ANAPC10: variants seen among roughly 807,000 people sequenced by gnomAD.
ANAPC10 encodes anaphase-promoting complex subunit 10.
Under a neutral mutation model 22.0 loss-of-function variants are expected in ANAPC10, and 12 were observed. The ratio of observed to expected loss-of-function variants is 0.55; its 90% CI spans 0.35 to 0.88. The LOEUF is 0.88. Among genes scored for constraint, ANAPC10 ranks in the 40% least tolerant of loss-of-function variants. The pLI is 0.01. For missense variants in ANAPC10, 188 were observed against 220.9 expected (o/e 0.85, Z 0.94); for synonymous variants, 65 against 69.5 (o/e 0.94, Z 0.32).
At chr4:145,043,584 T>A (rs1287062306) in intron 4 of ANAPC10, among the ~76,000 whole-genome samples, 1 of 152,136 alleles carries the variant, frequency 6.6e-6, no homozygotes, top group African/African-American at 2.4e-5. Flanking sequence ...TATTACACAT[T>A]GTCTTTCTTA....
Position 145,064,594 on chromosome 4 carries a change from AAATT to A in ANAPC10, c.301_304del (p.Asn101PhefsTer23). ...TACCCGAATTTCTTGAAGGTTGTGAAAATTATTTCCTACTCTGACTGAGATCTTG... is the reference window on the plus strand; with the variant it reads ...TACCCGAATTTCTTGAAGGTTGTGAAATTTCCTACTCTGACTGAGATCTTG... On this transcript the variant is annotated frameshift_variant, in exon 4 of 5. Transcript: ENST00000507656. LOFTEE classifies it high-confidence loss of function. 1 of 1,606,742 alleles carries A rather than the reference AAATT, an allele frequency of 6.2e-7. No homozygotes were observed. The highest frequency in any genetic ancestry group is 8.5e-7 in the Non-Finnish European group (1 of 1,176,662).
At chr4:145,009,974 A>AAG (rs754081873) in intron 4 of ANAPC10, among the ~76,000 whole-genome samples, 28 of 152,330 alleles carry the variant, frequency 1.8e-4, no homozygotes, top group East Asian at 7.7e-4. Flanking sequence ...ACAAATTTAC[A>AAG]AGAAAAAATC....
At chr4:145,063,123 G>A (rs1743155226) in intron 4 of ANAPC10, among the ~76,000 whole-genome samples, 1 of 152,050 alleles carries the variant, frequency 6.6e-6, no homozygotes, top group Non-Finnish European at 1.5e-5. Flanking sequence ...TAAACAATGT[G>A]TTATATTCTT....
At chr4:145,046,950 C>T (rs1250910708) in intron 4 of ANAPC10, among the ~76,000 whole-genome samples, 1 of 152,110 alleles carries the variant, frequency 6.6e-6, no homozygotes, top group African/African-American at 2.4e-5. Flanking sequence ...ATAAAGCAAG[C>T]AGCCATTACA....
At chr4:145,069,765 G>A (rs1277002147) in intron 3 of ANAPC10, among the ~76,000 whole-genome samples, 3 of 152,072 alleles carry the variant, frequency 2.0e-5, no homozygotes, top group Admixed American at 2.0e-4. Flanking sequence ...TCTCTTATGA[G>A]TATGTAGTAG....
At chr4:145,009,362 C>T (rs965931475) in intron 4 of ANAPC10, among the ~76,000 whole-genome samples, 37 of 152,216 alleles carry the variant, frequency 2.4e-4, no homozygotes, top group Non-Finnish European at 4.6e-4. Flanking sequence ...CAAAAAAGAG[C>T]CCACATTGCC....
chr4:145,029,445 G>A (rs887201650), intron 4 of ANAPC10, among the ~76,000 whole-genome samples: 1 of 152,122 alleles, frequency 6.6e-6, no homozygotes, highest in East Asian at 1.9e-4. Context: ...TCCATGAGGA[G>A]GTGCACTACA....
intron 4 of ANAPC10, among the ~76,000 whole-genome samples, chr4:145,008,425 C>A (rs1733763622): frequency 6.6e-6 from 1 of 152,098 alleles, no homozygotes; most frequent in African/African-American, 2.4e-5. Context: ...AACATCGGTG[C>A]AAAAATCATC....
intron 1 of ANAPC10, chr4:145,097,568 T>C (rs927576793): frequency 3.1e-6 from 4 of 1,283,078 alleles, no homozygotes; most frequent in African/African-American, 1.5e-5. Flanking sequence ...ACTTACTAAA[T>C]AACGGCAGAC....
intron 4 of ANAPC10, among the ~76,000 whole-genome samples, chr4:145,038,821 CAAAAAAAAAAAAAAA>C (rs140379083): frequency 1.6e-4 from 3 of 19,210 alleles, no homozygotes; most frequent in South Asian, 2.0e-3. Flanking sequence ...GACTCTGTCT[CAAAAAAAAAAAAAAA>C]AAAAAAAAAA....
intron 4 of ANAPC10, among the ~76,000 whole-genome samples, chr4:145,013,957 C>T: frequency 6.6e-6 from 1 of 152,060 alleles, no homozygotes; most frequent in East Asian, 1.9e-4. Flanking sequence ...CCAGGCAGGC[C>T]ATTCTTGCCT....
At chr4:145,060,577 G>GAA (rs147050670) in intron 4 of ANAPC10, among the ~76,000 whole-genome samples, 3 of 149,076 alleles carry the variant, frequency 2.0e-5, no homozygotes, top group African/African-American at 7.4e-5. Flanking sequence ...AATTTCTAGT[G>GAA]AAAAAAAAAG....
chr4:145,083,386 C>T (rs967979490), intron 2 of ANAPC10, among the ~76,000 whole-genome samples: 1 of 152,122 alleles, frequency 6.6e-6, no homozygotes, highest in Non-Finnish European at 1.5e-5. Flanking sequence ...ACAAACAATA[C>T]TGCAATAAAC....
chr4:145,096,177 A>G (rs1748485655), intron 1 of ANAPC10, 66 bp from the exon 2 acceptor site: 1 of 1,543,082 alleles, frequency 6.5e-7, no homozygotes, highest in African/African-American at 1.4e-5. Flanking sequence ...AAAGTTTTTT[A>G]CCAAGAAAAA....
intron 2 of ANAPC10, among the ~76,000 whole-genome samples, chr4:145,094,771 T>C (rs1201650894): frequency 1.3e-5 from 2 of 150,714 alleles, no homozygotes; most frequent in South Asian, 4.2e-4. Context: ...AAACCTTAGA[T>C]GCTTCCAGAA....
rs750713970 is a variant in ANAPC10, at chr4:145,096,124, C to G, written c.-12-13G>C. The G allele has an allele frequency of 1.4e-5, 23 of 1,607,884 alleles. No homozygotes were observed. Among genetic ancestry groups the G allele is most frequent in the Admixed American group, 1.7e-5 (1 of 58,544 alleles). ...TTTTTAAAATATTCTATGTAGAAAA[C>G]AAGAATGCACACATTGTATCAGGAA... On this transcript the variant is annotated splice_polypyrimidine_tract_variant and intron_variant, in intron 1 of 4. Transcript: ENST00000507656.
chr4:145,025,332 G>GC (rs36048867), intron 4 of ANAPC10, among the ~76,000 whole-genome samples: 4,225 of 141,772 alleles, frequency 0.03, 86 homozygotes, highest in African/African-American at 0.039. Flanking sequence ...CTTTCAACAC[G>GC]CCCCCCCCCC....
chr4:145,046,244 T>C (rs1740281215), intron 4 of ANAPC10, among the ~76,000 whole-genome samples: 1 of 152,096 alleles, frequency 6.6e-6, no homozygotes, highest in South Asian at 2.1e-4. Flanking sequence ...GCAGTTAAGA[T>C]GTATATAAAT....
intron 3 of ANAPC10, among the ~76,000 whole-genome samples, chr4:145,066,539 A>G (rs1309095766): frequency 6.6e-6 from 1 of 152,126 alleles, no homozygotes; most frequent in African/African-American, 2.4e-5. Flanking sequence ...TGTTTTGCTC[A>G]GAATAATTAC....
Sources: gnomAD v4.1 joint callset for allele counts (sites outside exome capture counted in the v4.1 genomes callset) on GRCh38, gnomAD v4.1.1 for gene constraint, MANE v1.5 for transcripts, NCBI Gene and HGNC (gene_info 2026-07-23, HGNC 2026-07-21) for gene names.